GRK3: variants seen among roughly 807,000 people sequenced by gnomAD.
The protein encoded by GRK3 is G protein-coupled receptor kinase 3, also known as adrenergic, beta, receptor kinase 2.
Under a neutral mutation model 95.7 loss-of-function variants are expected in GRK3, and 54 were observed. The observed-to-expected ratio is 0.56, with a 90% CI of 0.45 to 0.71. The LOEUF is 0.71. Among genes scored for constraint, GRK3 ranks in the 30% least tolerant of loss-of-function variants. The pLI is 0.00. For missense variants in GRK3, 649 were observed against 851.2 expected (o/e 0.76, Z 2.96); for synonymous variants, 281 against 290.8 (o/e 0.97, Z 0.34).
At chr22:25,666,443 A>G (rs1234051799) in intron 5 of GRK3, among the ~76,000 whole-genome samples, 1 of 152,204 alleles carries the variant, frequency 6.6e-6, no homozygotes, top group African/African-American at 2.4e-5. Context: ...GCTGGAAGGA[A>G]CTTCAGAGAG....
chr22:25,602,143 A>G (rs1258836162), intron 1 of GRK3, among the ~76,000 whole-genome samples: 3 of 152,236 alleles, frequency 2.0e-5, no homozygotes, highest in African/African-American at 7.2e-5. Context: ...ACTCAATTAA[A>G]AGGTAGAAAA....
intron 12 of GRK3, among the ~76,000 whole-genome samples, chr22:25,693,200 A>G (rs530021087): frequency 2.6e-5 from 4 of 152,278 alleles, no homozygotes; most frequent in Non-Finnish European, 5.9e-5. Flanking sequence ...AAAACGTCCA[A>G]GTGTTCGTTC....
intron 3 of GRK3, among the ~76,000 whole-genome samples, chr22:25,651,736 T>C (rs575632820): frequency 1.3e-5 from 2 of 152,354 alleles, no homozygotes; most frequent in African/African-American, 2.4e-5. Flanking sequence ...CAGTTCCTTA[T>C]ATAATAACAA....
intron 1 of GRK3, among the ~76,000 whole-genome samples, chr22:25,576,648 C>T (rs1931911743): frequency 6.6e-6 from 1 of 152,196 alleles, no homozygotes; most frequent in African/African-American, 2.4e-5. Flanking sequence ...GCGCTGATAA[C>T]AAATGGTGCA....
intron 9 of GRK3, among the ~76,000 whole-genome samples, chr22:25,683,690 AT>A (rs202154463): frequency 5.5e-4 from 84 of 151,502 alleles, no homozygotes; most frequent in African/African-American, 1.9e-3. Flanking sequence ...TGAATTGCCT[AT>A]TTTTTTTCCC....
chr22:25,624,734 A>G lies in GRK3; in HGVS notation c.191-19858A>G, dbSNP rs188595902. ...CAACTGATCCTTGAGATCAAAGCTCATCTCTGACGCTATTTTCTCTTTGTA... is the reference window on the plus strand; with the variant it reads ...CAACTGATCCTTGAGATCAAAGCTCGTCTCTGACGCTATTTTCTCTTTGTA... On this transcript the variant is annotated intron_variant, in intron 2 of 20. Coordinates refer to ENST00000324198, the MANE Select transcript of GRK3 (RefSeq NM_005160.4). Among the ~76,000 whole-genome samples, 17 of 152,238 alleles carry G rather than the reference A, an allele frequency of 1.1e-4. No homozygotes were observed. The East Asian group carries it at 3.3e-3, about 29-fold the overall frequency.
intron 3 of GRK3, among the ~76,000 whole-genome samples, chr22:25,656,888 C>T (rs921574441): frequency 2.6e-5 from 4 of 152,124 alleles, no homozygotes; most frequent in African/African-American, 9.7e-5. Flanking sequence ...CATCTAAACC[C>T]AGGTTTGAAT....
intron 17 of GRK3, among the ~76,000 whole-genome samples, chr22:25,713,669 A>G (rs1224496399): frequency 6.6e-6 from 1 of 152,256 alleles, no homozygotes; most frequent in Non-Finnish European, 1.5e-5. Context: ...ATAAAAATGT[A>G]GTTCACATGC....
rs141005771 is a variant in GRK3, at chr22:25,584,546, C to G, written c.113+19393C>G. ...GCCTCAGTGAAAAGGTGAACATTCT[C>G]AATGTAAGAGAACAGAATAAATCAT... On this transcript the variant is annotated intron_variant, in intron 1 of 20. Coordinates refer to ENST00000324198, the MANE Select transcript of GRK3 (RefSeq NM_005160.4). 2.6e-5 allele frequency among the ~76,000 whole-genome samples: 4 copies of G among 152,380 alleles called. No homozygotes were observed. The East Asian group carries it at 7.7e-4, about 29-fold the overall frequency.
intron 17 of GRK3, among the ~76,000 whole-genome samples, chr22:25,713,487 G>C (rs910867445): frequency 6.6e-6 from 1 of 152,166 alleles, no homozygotes; most frequent in Non-Finnish European, 1.5e-5. Flanking sequence ...TGCTAAGGGA[G>C]TGTGTGCAAG....
chr22:25,721,261 T>C, intron 19 of GRK3, 23 bp from the exon 20 acceptor site: 1 of 1,322,626 alleles, frequency 7.6e-7, no homozygotes, highest in Non-Finnish European at 1.1e-6. Flanking sequence ...ATTTGAATTT[T>C]AAATTTCTGT....
At chr22:25,688,012 G>A (rs377583777) in intron 11 of GRK3, among the ~76,000 whole-genome samples, 38 of 152,228 alleles carry the variant, frequency 2.5e-4, no homozygotes, top group South Asian at 6.2e-4. Context: ...CAAGGAGGGC[G>A]GATCACAAGG....
chr22:25,623,310 C>T (rs755578978), intron 2 of GRK3, among the ~76,000 whole-genome samples: 4 of 152,188 alleles, frequency 2.6e-5, no homozygotes, highest in African/African-American at 4.8e-5. Context: ...GATGAAATGA[C>T]GAGACAGAGT....
At chr22:25,713,098 G>A (rs2085356860) in intron 17 of GRK3, among the ~76,000 whole-genome samples, 1 of 152,176 alleles carries the variant, frequency 6.6e-6, no homozygotes, top group Non-Finnish European at 1.5e-5. Flanking sequence ...GAAATTATAG[G>A]CGGTAGAACA....
chr22:25,612,241 G>A (rs1029571534), intron 2 of GRK3, among the ~76,000 whole-genome samples: 5 of 152,024 alleles, frequency 3.3e-5, no homozygotes, highest in East Asian at 3.8e-4. Context: ...GTCTGTGGTC[G>A]AATTTGAGTA....
chr22:25,676,312 G>T (rs1018997857), intron 8 of GRK3, among the ~76,000 whole-genome samples: 2 of 152,142 alleles, frequency 1.3e-5, no homozygotes, highest in Non-Finnish European at 2.9e-5. Flanking sequence ...TACTCTACTT[G>T]TTGCTTGGCA....
At chr22:25,714,774 G>A (rs1356981736) in intron 18 of GRK3, among the ~76,000 whole-genome samples, 1 of 152,194 alleles carries the variant, frequency 6.6e-6, no homozygotes, top group Non-Finnish European at 1.5e-5. Flanking sequence ...AGTCTATGGA[G>A]ACAGGTGGCC....
At chr22:25,655,534 G>A (rs2084864429) in intron 3 of GRK3, among the ~76,000 whole-genome samples, 1 of 152,118 alleles carries the variant, frequency 6.6e-6, no homozygotes. Context: ...TTCTTACACT[G>A]TTTGTTGTCT....
At chr22:25,596,251 C>T (rs890859967) in intron 1 of GRK3, among the ~76,000 whole-genome samples, 1 of 152,112 alleles carries the variant, frequency 6.6e-6, no homozygotes, top group Non-Finnish European at 1.5e-5. Flanking sequence ...AACCAGTTGT[C>T]ATTCATGAAA....
Sources: gnomAD v4.1 joint callset for allele counts (sites outside exome capture counted in the v4.1 genomes callset) on GRCh38, gnomAD v4.1.1 for gene constraint, MANE v1.5 for transcripts, NCBI Gene and HGNC (gene_info 2026-07-23, HGNC 2026-07-21) for gene names.